Variants in C8orf34 observed in about 807,000 individuals in gnomAD.
C8orf34 encodes uncharacterized protein C8orf34.
Under a neutral mutation model 68.3 loss-of-function variants are expected in C8orf34, and 65 were observed. That is an observed-to-expected ratio of 0.95 (90% CI 0.78 to 1.17). C8orf34 has a LOEUF of 1.17. Among genes scored for constraint, C8orf34 ranks in the 50% most tolerant of loss-of-function variants. The pLI is 0.00. For synonymous variants in C8orf34, 244 were observed against 241.2 expected, an observed-to-expected ratio of 1.01 and a Z score of -0.11; for missense variants, 664 against 655.4, an observed-to-expected ratio of 1.01 and a Z score of -0.14.
intron 7 of C8orf34, among the ~76,000 whole-genome samples, chr8:68,592,240 T>A: frequency 1.1e-5 from 1 of 92,958 alleles, no homozygotes; most frequent in Non-Finnish European, 2.4e-5. Flanking sequence ...TTATTCCTTA[T>A]GGCATTTTGA....
chr8:68,603,234 G>A (rs2130508461), intron 7 of C8orf34, among the ~76,000 whole-genome samples: 1 of 152,184 alleles, frequency 6.6e-6, no homozygotes, highest in African/African-American at 2.4e-5. Flanking sequence ...TGCTGAAAGT[G>A]TACAAGGGTG....
At chr8:68,687,910 C>A (rs1481237980) in intron 8 of C8orf34, among the ~76,000 whole-genome samples, 1 of 151,646 alleles carries the variant, frequency 6.6e-6, no homozygotes, top group African/African-American at 2.4e-5. Context: ...TCAAACAAAT[C>A]AGCAAAAACA....
chr8:68,650,503 G>A (rs1471480184), intron 8 of C8orf34, among the ~76,000 whole-genome samples: 80 of 133,262 alleles, frequency 6.0e-4, no homozygotes, highest in African/African-American at 1.8e-3. Flanking sequence ...TTTTTGAGAC[G>A]GAGTCTCGCT....
rs149427213 is a variant in C8orf34, at chr8:68,667,139, A to G, written c.1241+26628A>G. Among the ~76,000 whole-genome samples, 9 of 152,264 alleles carry G rather than the reference A, an allele frequency of 5.9e-5. No individual in the cohort carries two copies. The East Asian group carries it at 1.4e-3, about 23-fold the overall frequency. On this transcript the variant is annotated intron_variant, in intron 8 of 13. Transcript: ENST00000518698. ...TAAAGAAAATTAAAGGACACTCCCT[A>G]TTTATTTAAAGCCTTGTTAGTTTTG...
chr8:68,349,125 T>A (rs1259959361), intron 1 of C8orf34, among the ~76,000 whole-genome samples: 1 of 151,988 alleles, frequency 6.6e-6, no homozygotes, highest in Non-Finnish European at 1.5e-5. Flanking sequence ...GCTCTTAGGC[T>A]CTTATTATTT....
At chr8:68,508,192 C>T (rs1008262109) in intron 5 of C8orf34, among the ~76,000 whole-genome samples, 10 of 152,216 alleles carry the variant, frequency 6.6e-5, no homozygotes, top group Non-Finnish European at 1.3e-4. Context: ...TGAAGACACT[C>T]ATCATATGTA....
At chr8:68,763,487 C>T (rs557889242) in intron 10 of C8orf34, among the ~76,000 whole-genome samples, 1 of 152,074 alleles carries the variant, frequency 6.6e-6, no homozygotes, top group Non-Finnish European at 1.5e-5. Flanking sequence ...TTTTGTTCAC[C>T]TGTGTTTTTG....
At chr8:68,499,072 C>A (rs1233382160) in intron 5 of C8orf34, among the ~76,000 whole-genome samples, 1 of 152,182 alleles carries the variant, frequency 6.6e-6, no homozygotes, top group East Asian at 1.9e-4. Context: ...GCCCTTGCCC[C>A]TCTCTTTCTC....
chr8:68,435,285 T>G (rs560348732), intron 1 of C8orf34, among the ~76,000 whole-genome samples: 2,415 of 150,480 alleles, frequency 0.016, 82 homozygotes, highest in African/African-American at 0.055. Flanking sequence ...TCACTAAGAG[T>G]TAAGTCAGGA....
intron 12 of C8orf34, among the ~76,000 whole-genome samples, chr8:68,802,061 T>C (rs1824344012): frequency 1.3e-5 from 2 of 152,178 alleles, no homozygotes; most frequent in Non-Finnish European, 2.9e-5. Flanking sequence ...TTATAAATAT[T>C]TTCCATATTG....
At chr8:68,334,346 G>A (rs575382062) in intron 1 of C8orf34, among the ~76,000 whole-genome samples, 2 of 151,714 alleles carry the variant, frequency 1.3e-5, no homozygotes, top group East Asian at 1.9e-4. Flanking sequence ...ATAATATGAA[G>A]GTGTAAGATG....
rs1294839539 is a variant in C8orf34, at chr8:68,525,521, A to G, written c.938+3550A>G. ...TTGTAAGTATGTATTACATCCCTAG[A>G]AAAAGAATCCCAGGATTTTCCCTCC... On this transcript the variant is annotated intron_variant, in intron 6 of 13. Coordinates refer to ENST00000518698, the MANE Select transcript of C8orf34 (RefSeq NM_052958.4). 26 of 788,566 alleles carry G rather than the reference A, an allele frequency of 3.3e-5. No individual in the cohort carries two copies. The East Asian group carries it at 6.4e-4, about 19-fold the overall frequency. 48.8% of individuals were successfully genotyped at this position (788,566 alleles called of 1,614,324 possible).
intron 3 of C8orf34, among the ~76,000 whole-genome samples, chr8:68,467,357 A>G (rs1040775708): frequency 1.3e-5 from 2 of 152,026 alleles, no homozygotes; most frequent in African/African-American, 4.8e-5. Context: ...CCCATCACTA[A>G]TGCTTTGCCA....
chr8:68,590,176 AC>A (rs1448076079), intron 7 of C8orf34, among the ~76,000 whole-genome samples: 1 of 142,942 alleles, frequency 7.0e-6, no homozygotes, highest in Non-Finnish European at 1.5e-5. Context: ...AGGAGGAAAG[AC>A]AGGAAGAAAG....
chr8:68,605,501 A>T (rs11998496), intron 7 of C8orf34, among the ~76,000 whole-genome samples: 71 of 152,018 alleles, frequency 4.7e-4, no homozygotes, highest in African/African-American at 1.6e-3. Context: ...ATTATGGTGC[A>T]GCCATGAAAC....
At chr8:68,652,859 G>T (rs1267929831) in intron 8 of C8orf34, among the ~76,000 whole-genome samples, 1 of 152,102 alleles carries the variant, frequency 6.6e-6, no homozygotes, top group Non-Finnish European at 1.5e-5. Flanking sequence ...TTATTAGGGT[G>T]GATTGTGGGA....
At chr8:68,507,596 C>T (rs1247845286) in intron 5 of C8orf34, among the ~76,000 whole-genome samples, 1 of 152,164 alleles carries the variant, frequency 6.6e-6, no homozygotes, top group Non-Finnish European at 1.5e-5. Flanking sequence ...CTTGGCTTTA[C>T]CCTCTGGAAG....
chr8:68,333,686 T>C (rs989097568), intron 1 of C8orf34, among the ~76,000 whole-genome samples: 12 of 152,156 alleles, frequency 7.9e-5, no homozygotes, highest in African/African-American at 2.9e-4. Flanking sequence ...GGAATTGATT[T>C]GGGTCAGAGG....
intron 7 of C8orf34, among the ~76,000 whole-genome samples, chr8:68,615,499 AG>A (rs1056495264): frequency 2.2e-4 from 33 of 152,306 alleles, no homozygotes; most frequent in African/African-American, 4.8e-4. Context: ...TTTAGCATGA[AG>A]GGTTGCTGAA....
Sources: gnomAD v4.1 joint callset for allele counts (sites outside exome capture counted in the v4.1 genomes callset) on GRCh38, gnomAD v4.1.1 for gene constraint, MANE v1.5 for transcripts, NCBI Gene and HGNC (gene_info 2026-07-23, HGNC 2026-07-21) for gene names.